Variants in ERN1 observed in about 807,000 individuals in gnomAD.
The protein encoded by ERN1 is endoplasmic reticulum to nucleus signaling 1, also known as serine/threonine-protein kinase/endoribonuclease IRE1.
ERN1 carries 39 observed loss-of-function variants against 113.1 expected under a neutral mutation model. That is an observed-to-expected ratio of 0.34 (90% CI 0.27 to 0.45). ERN1 has a LOEUF of 0.45. Among genes scored for constraint, ERN1 ranks in the 20% least tolerant of loss-of-function variants. ERN1 has a pLI of 1.00. For missense variants in ERN1, 976 were observed against 1,274.8 expected (o/e 0.77, Z 3.57); for synonymous variants, 507 against 515.9 (o/e 0.98, Z 0.23).
In ERN1 at chr17:64,048,118, G is replaced by A. The variant is rs1254902665; in HGVS notation, c.2402-133C>T. ...GGAATTTATTCCAATAAAATAATTA[G>A]GAACAGACACAAAACCTCAGCCAAA... On this transcript the variant is annotated intron_variant, in intron 18 of 21. Coordinates refer to ENST00000433197, the MANE Select transcript of ERN1 (RefSeq NM_001433.5). 6 of 879,658 alleles carry A rather than the reference G, an allele frequency of 6.8e-6. No homozygotes were observed. In the East Asian group the frequency reaches 1.7e-4, roughly 24 times the overall value. The allele number at this position is 879,658 out of a possible 1,614,324, so 54.5% of individuals were successfully genotyped here.
chr17:64,047,595 T>C (rs112257200), intron 19 of ERN1, among the ~76,000 whole-genome samples: 3,108 of 152,260 alleles, frequency 0.02, 103 homozygotes, highest in African/African-American at 0.071. Flanking sequence ...GATAGAATAC[T>C]ATGGTCATTG....
chr17:64,075,879 A>C (rs1913577288), intron 4 of ERN1, among the ~76,000 whole-genome samples: 1 of 152,254 alleles, frequency 6.6e-6, no homozygotes, highest in Non-Finnish European at 1.5e-5. Flanking sequence ...GGGAGCCAGG[A>C]CATTGATGCT....
chr17:64,058,390 AAT>A (rs1297732764), intron 11 of ERN1, among the ~76,000 whole-genome samples: 2 of 152,224 alleles, frequency 1.3e-5, no homozygotes, highest in Non-Finnish European at 2.9e-5. Flanking sequence ...TTGATTTAAT[AAT>A]ACCATTTCAC....
chr17:64,102,024 A>C (rs1350778321), intron 1 of ERN1, among the ~76,000 whole-genome samples: 1 of 152,152 alleles, frequency 6.6e-6, no homozygotes, highest in Non-Finnish European at 1.5e-5. Context: ...TCATGCCTGT[A>C]ATCTCAGCAC....
intron 1 of ERN1, among the ~76,000 whole-genome samples, chr17:64,123,341 G>A (rs1486197335): frequency 6.6e-6 from 1 of 152,086 alleles, no homozygotes; most frequent in East Asian, 1.9e-4. Context: ...CAAACTAAAG[G>A]ACCCCACAAA....
In ERN1 at chr17:64,055,928, C is replaced by G. The variant is rs1912853762; in HGVS notation, c.1419G>C (p.Gln473His). The change falls in exon 13 of 22, where the codon CAG becomes CAC. Residue 473 changes from glutamine (Q) to histidine (H), a missense_variant. Physicochemically the swap from Gln to His is conservative, Grantham distance 24 (BLOSUM62 0). Around this residue, in one of 5 missense-constraint regions of ERN1, gnomAD observed 16 missense variants for 42.3 expected, o/e 0.38. Coordinates refer to ENST00000433197, the MANE Select transcript of ERN1 (RefSeq NM_001433.5). ...CCTTCTGGAACTGCTGGTGCTGGAGCTGCTGCTGCTGATGCATGCTCTGGG... is the reference window on the plus strand; with the variant it reads ...CCTTCTGGAACTGCTGGTGCTGGAGGTGCTGCTGCTGATGCATGCTCTGGG... ...TYPLSMHQQQ[Q>H]LQHQQFQKEL... 1 of 1,544,994 alleles carries G rather than the reference C, an allele frequency of 6.5e-7. No homozygotes were observed.
chr17:64,049,140 G>A lies in ERN1; in HGVS notation c.2316C>T (p.Ser772=), dbSNP rs1344349323. The A allele has an allele frequency of 6.2e-7, 1 of 1,609,904 alleles. No homozygotes were observed. The highest frequency in any genetic ancestry group is 1.7e-5 in the Admixed American group (1 of 59,892). ...GCTGCAGGGACTTGCCAAAAGGGTGGCTGCCCTCAGAGATTACGTAGTAAA... is the reference window on the plus strand; with the variant it reads ...GCTGCAGGGACTTGCCAAAAGGGTGACTGCCCTCAGAGATTACGTAGTAAA... ...CVFYYVISEG[S]HPFGKSLQRQ... The change falls in exon 18 of 22, where the codon AGC becomes AGT. Residue 772 remains serine, a synonymous_variant. Transcript: ENST00000433197. The surrounding 1 kb of genome is among the most constrained non-coding windows in gnomAD (Gnocchi z 4.7).
rs147564069 is a variant in ERN1 at position 64,079,911 on chromosome 17, T to C, written c.210-177A>G. Among the ~76,000 whole-genome samples the C allele has an allele frequency of 1.9e-3, 291 of 152,204 alleles. 1 individual carries two copies. The highest frequency in any genetic ancestry group is 6.6e-3 in the African/African-American group (275 of 41,528). On this transcript the variant is annotated intron_variant, in intron 3 of 21. Coordinates refer to ENST00000433197, the MANE Select transcript of ERN1 (RefSeq NM_001433.5). ...TACTCTCTCTCACTTCAACCACAGA[T>C]AAATAAAATACCCCTATGGTGGTAT... is the stretch of plus-strand genomic sequence containing the variant.
intron 1 of ERN1, chr17:64,129,280 G>A (rs1201845146): frequency 6.6e-6 from 1 of 152,180 alleles, no homozygotes; most frequent in East Asian, 1.9e-4. Context: ...TTTCATTTGA[G>A]GTTCTGAAGC....
chr17:64,072,068 G>A lies in ERN1; in HGVS notation c.391C>T (p.Leu131=), dbSNP rs1214787132. Residue 131 remains leucine, a synonymous_variant, in exon 6 of 22, where the codon CTG becomes TTG. Coordinates refer to ENST00000433197, the MANE Select transcript of ERN1 (RefSeq NM_001433.5). ...AAAGTCTGCTGCTTCTCTCCGGTCA[G>A]GAGGTCAATAACATACCAGATGTCC... The part of the protein sequence containing the change: ...KQDIWYVIDL[L]TGEKQQTLSS... 6.2e-7 allele frequency: 1 copy of A among 1,612,316 alleles called. No homozygotes were observed. Among genetic ancestry groups the A allele is most frequent in the Non-Finnish European group, 8.5e-7 (1 of 1,179,196 alleles).
chr17:64,126,437 A>G (rs111793992), intron 1 of ERN1, among the ~76,000 whole-genome samples: 1,774 of 152,270 alleles, frequency 0.012, 35 homozygotes, highest in African/African-American at 0.041. Flanking sequence ...TGAAACCCTC[A>G]GACCTATGCA....
At chr17:64,059,672 G>C (rs1385480793) in intron 11 of ERN1, among the ~76,000 whole-genome samples, 1 of 152,016 alleles carries the variant, frequency 6.6e-6, no homozygotes, top group African/African-American at 2.4e-5. Flanking sequence ...GACTTCTGTG[G>C]GGCTGCTGAA....
intron 15 of ERN1, among the ~76,000 whole-genome samples, chr17:64,053,759 T>C (rs1051918746): frequency 2.0e-5 from 3 of 152,112 alleles, no homozygotes; most frequent in East Asian, 1.9e-4. Context: ...CCAGGTTTCC[T>C]GGAGGCAAAG....
At chr17:64,095,298 G>A (rs1468351703) in intron 2 of ERN1, among the ~76,000 whole-genome samples, 2 of 152,076 alleles carry the variant, frequency 1.3e-5, no homozygotes, top group South Asian at 4.1e-4. Context: ...GCATAGTGGC[G>A]CATGCCTGTA....
chr17:64,079,508 T>C (rs766592018), intron 4 of ERN1, among the ~76,000 whole-genome samples, 154 bp downstream of exon 4: 1 of 152,166 alleles, frequency 6.6e-6, no homozygotes, highest in Non-Finnish European at 1.5e-5. Flanking sequence ...AAAAGACTGA[T>C]GCCCAGGCTC....
intron 10 of ERN1, among the ~76,000 whole-genome samples, chr17:64,062,176 G>A (rs1426862796): frequency 1.3e-5 from 2 of 152,368 alleles, no homozygotes; most frequent in East Asian, 3.9e-4. Context: ...CAGACCTACT[G>A]AATCAGGCTC....
chr17:64,095,644 C>A (rs956601373), intron 2 of ERN1, among the ~76,000 whole-genome samples: 3 of 152,086 alleles, frequency 2.0e-5, no homozygotes, highest in Non-Finnish European at 4.4e-5. Context: ...CATCGAAAAG[C>A]GAGCACCTGT....
At position 64,063,296 on chromosome 17, in the gene ERN1, G is replaced by C. The variant is rs2143365662; in HGVS notation, c.1087+690C>G. On this transcript the variant is annotated intron_variant, in intron 10 of 21. Coordinates refer to ENST00000433197, the MANE Select transcript of ERN1 (RefSeq NM_001433.5). This position sits in a 1 kb window ranked among gnomAD's most constrained non-coding sequence, Gnocchi z 5.1. The stretch of plus-strand genomic sequence containing the variant: ...CCTGCTCTAATGACTTGGCACACTT[G>C]CCAGGAACACAGCTCTTCTCACTTC... Among the ~76,000 whole-genome samples, 1 of 152,346 alleles carries C rather than the reference G, an allele frequency of 6.6e-6. No individual in the cohort carries two copies. The highest frequency in any genetic ancestry group is 1.5e-5 in the Non-Finnish European group (1 of 68,026).
intron 1 of ERN1, among the ~76,000 whole-genome samples, chr17:64,105,412 A>T (rs1032687122): frequency 5.9e-5 from 9 of 151,856 alleles, no homozygotes; most frequent in African/African-American, 2.2e-4. Context: ...TAATAATAAT[A>T]AAAAAAAGAC....
Sources: allele counts gnomAD v4.1 joint callset (sites outside exome capture counted in the v4.1 genomes callset), GRCh38; gene constraint gnomAD v4.1.1; regional missense constraint gnomAD v4.1.1; non-coding constraint Gnocchi (gnomAD v3.1); transcripts MANE v1.5; gene names NCBI Gene and HGNC (gene_info 2026-07-23, HGNC 2026-07-21).